TDP1: variants seen among roughly 807,000 people sequenced by gnomAD.
TDP1 encodes the protein tyr-DNA phosphodiesterase 1.
A neutral mutation model predicts 81.5 loss-of-function variants in TDP1; 64 were observed. The ratio of observed to expected loss-of-function variants is 0.79; its 90% CI spans 0.64 to 0.97. The LOEUF (loss-of-function observed/expected upper bound fraction) is 0.97. Ranked by LOEUF, TDP1 falls within the 50% of genes least tolerant of loss-of-function variation. The pLI is 0.00. For missense variants in TDP1, 723 were observed against 743.8 expected (o/e 0.97, Z 0.33); for synonymous variants, 256 against 264.3 (o/e 0.97, Z 0.30).
At chr14:90,037,513 TC>T (rs899385588) in intron 16 of TDP1, among the ~76,000 whole-genome samples, 8 of 152,316 alleles carry the variant, frequency 5.3e-5, no homozygotes, top group Non-Finnish European at 5.9e-5. Context: ...AGTATTTTTT[TC>T]CTTTCAAAGT....
Position 89,991,923 on chromosome 14 carries a change from G to A in TDP1, c.1373G>A (p.Gly458Asp), listed in dbSNP as rs1332272305. 6.2e-7 allele frequency: 1 copy of A among 1,608,228 alleles called. No individual in the cohort carries two copies. Among genetic ancestry groups the A allele is most frequent in the South Asian group, 1.1e-5 (1 of 89,140 alleles). Residue 458 changes from glycine to aspartate, a missense_variant, in exon 13 of 17, where the codon GGC becomes GAC. By Grantham distance (94) the Gly-to-Asp change is moderately conservative (BLOSUM62 -1). Transcript: ENST00000335725. ...TTTATTTTTCTTTTAAAAGCTGGGG[G>A]CTCTCTTCCCTATAGCATCCAGACA... ...RTSLEGYPAG[G>D]SLPYSIQTAE...
chr14:89,974,650 C>T (rs1231895283), intron 6 of TDP1, among the ~76,000 whole-genome samples: 1 of 142,930 alleles, frequency 7.0e-6, no homozygotes, highest in Non-Finnish European at 1.5e-5. Context: ...GCATGCAGGC[C>T]CCCGTTGCTC....
At chr14:89,966,847 G>A (rs953642816) in intron 4 of TDP1, 1 of 318,424 alleles carries the variant, frequency 3.1e-6, no homozygotes, top group Non-Finnish European at 4.5e-6. Context: ...CCACGGGTAA[G>A]ACCAGTACAG....
intron 15 of TDP1, among the ~76,000 whole-genome samples, chr14:90,026,533 C>T (rs557888092): frequency 5.9e-5 from 9 of 152,184 alleles, no homozygotes; most frequent in Non-Finnish European, 1.2e-4. Flanking sequence ...CATATGTATA[C>T]ATGTGCCATG....
intron 12 of TDP1, chr14:89,991,671 T>C: frequency 2.0e-6 from 2 of 984,390 alleles, no homozygotes; most frequent in Non-Finnish European, 2.4e-6. Flanking sequence ...TCACTTACTT[T>C]TGCTTATAAG....
At chr14:89,986,360 A>G (rs1014406598) in intron 10 of TDP1, among the ~76,000 whole-genome samples, 1 of 152,224 alleles carries the variant, frequency 6.6e-6, no homozygotes, top group Non-Finnish European at 1.5e-5. Context: ...GGACATAATA[A>G]TAGTACTTCC....
chr14:90,001,154 C>T (rs1194373408), intron 14 of TDP1, among the ~76,000 whole-genome samples: 1 of 152,158 alleles, frequency 6.6e-6, no homozygotes, highest in African/African-American at 2.4e-5. Flanking sequence ...TTTGTTTCAT[C>T]CAGTTGACAT....
intron 14 of TDP1, among the ~76,000 whole-genome samples, chr14:90,012,597 G>C (rs1424253166): frequency 6.6e-6 from 1 of 152,020 alleles, no homozygotes; most frequent in Non-Finnish European, 1.5e-5. Context: ...CAAGGCCATT[G>C]CTTCAGAGGT....
At chr14:90,035,125 C>G (rs1196282798) in intron 16 of TDP1, among the ~76,000 whole-genome samples, 1 of 152,216 alleles carries the variant, frequency 6.6e-6, no homozygotes, top group African/African-American at 2.4e-5. Context: ...CTCTGTCCCA[C>G]TAACCTTCTC....
chr14:90,036,637 T>A (rs35948356), intron 16 of TDP1, among the ~76,000 whole-genome samples: 4 of 152,028 alleles, frequency 2.6e-5, no homozygotes, highest in Non-Finnish European at 5.9e-5. Flanking sequence ...TCTCCACAGA[T>A]CTATATTGAG....
intron 5 of TDP1, among the ~76,000 whole-genome samples, chr14:89,969,568 TG>T (rs1893352691): frequency 6.6e-6 from 1 of 152,248 alleles, no homozygotes; most frequent in Non-Finnish European, 1.5e-5. Flanking sequence ...TATTTCTAGG[TG>T]CTAGATGCAC....
intron 8 of TDP1, among the ~76,000 whole-genome samples, chr14:89,982,189 G>A (rs181637837): frequency 4.6e-5 from 7 of 152,126 alleles, no homozygotes; most frequent in East Asian, 3.9e-4. Context: ...ATTCCTGGTC[G>A]CTTTTCTATA....
intron 15 of TDP1, among the ~76,000 whole-genome samples, chr14:90,023,656 C>T (rs1886337473): frequency 6.6e-6 from 1 of 152,156 alleles, no homozygotes; most frequent in South Asian, 2.1e-4. Flanking sequence ...ATTAATGAGT[C>T]ACTGTTACTA....
At chr14:89,971,682 C>T (rs890755836) in intron 6 of TDP1, among the ~76,000 whole-genome samples, 1 of 152,168 alleles carries the variant, frequency 6.6e-6, no homozygotes, top group Non-Finnish European at 1.5e-5. Flanking sequence ...GATTCTGAGT[C>T]TTTCCGCAAC....
intron 10 of TDP1, among the ~76,000 whole-genome samples, chr14:89,985,609 G>C (rs1468496127): frequency 6.6e-6 from 1 of 152,178 alleles, no homozygotes; most frequent in Non-Finnish European, 1.5e-5. Context: ...TATTAAACCA[G>C]TGCCCTTAAG....
At chr14:89,994,909 A>C (rs754441414) in intron 14 of TDP1, among the ~76,000 whole-genome samples, 2 of 152,228 alleles carry the variant, frequency 1.3e-5, no homozygotes, top group Admixed American at 6.5e-5. Flanking sequence ...GAGTGATTCC[A>C]TGAGGCTATG....
intron 14 of TDP1, among the ~76,000 whole-genome samples, chr14:90,017,699 A>G (rs1685532508): frequency 6.6e-6 from 1 of 152,126 alleles, no homozygotes; most frequent in African/African-American, 2.4e-5. Context: ...CCTCAGACCC[A>G]CTGGTTGGTT....
intron 14 of TDP1, among the ~76,000 whole-genome samples, chr14:89,999,079 C>A (rs561029752): frequency 6.6e-6 from 1 of 152,140 alleles, no homozygotes; most frequent in African/African-American, 2.4e-5. Context: ...GTGTGTCTCT[C>A]AACAGGGCAC....
At chr14:89,957,728 T>A (rs529931254) in intron 2 of TDP1, among the ~76,000 whole-genome samples, 1 of 152,324 alleles carries the variant, frequency 6.6e-6, no homozygotes, top group South Asian at 2.1e-4. Context: ...TGAGCTAGCA[T>A]TTGGTGGGAA....
Sources: allele counts gnomAD v4.1 joint callset (sites outside exome capture counted in the v4.1 genomes callset), GRCh38; gene constraint gnomAD v4.1.1; transcripts MANE v1.5; gene names NCBI Gene and HGNC (gene_info 2026-07-23, HGNC 2026-07-21).